Variants in PDE3B observed in about 807,000 individuals in gnomAD.
PDE3B encodes the protein cGMP-inhibited 3',5'-cyclic phosphodiesterase 3B.
PDE3B carries 66 observed loss-of-function variants against 116.8 expected under a neutral mutation model. The ratio of observed to expected loss-of-function variants is 0.56; its 90% CI spans 0.46 to 0.69. The LOEUF (loss-of-function observed/expected upper bound fraction) is 0.69, where lower values mean the gene tolerates loss of function less well. Ranked by LOEUF, PDE3B falls within the 30% of genes least tolerant of loss-of-function variation. The probability of loss-of-function intolerance (pLI) is 0.00; values close to 1 mark genes in which losing one functional copy is unlikely to be tolerated. For synonymous variants in PDE3B, 595 were observed against 533.6 expected (o/e 1.12, Z -1.59); for missense variants, 1,384 against 1,368.1 (o/e 1.01, Z -0.18).
At chr11:14,733,350 C>G (rs990591143) in intron 1 of PDE3B, among the ~76,000 whole-genome samples, 1 of 152,126 alleles carries the variant, frequency 6.6e-6, no homozygotes, top group Admixed American at 6.5e-5. Context: ...TTCTGTTTCT[C>G]TGTCTCCTGT....
chr11:14,895,780 T>C, the PDE3B span, among the ~76,000 whole-genome samples: 5 of 152,284 alleles, frequency 3.3e-5, no homozygotes, highest in East Asian at 3.9e-4. Context: ...ACAGGCTAAG[T>C]TGGAAAATGC....
chr11:14,736,026 C>A (rs1171535658), intron 1 of PDE3B, among the ~76,000 whole-genome samples: 1 of 150,326 alleles, frequency 6.7e-6, no homozygotes, highest in Non-Finnish European at 1.5e-5. Context: ...CACAGTGGAA[C>A]AATGAAGGAA....
intron 1 of PDE3B, among the ~76,000 whole-genome samples, chr11:14,765,177 G>C (rs900958335): frequency 1.3e-5 from 2 of 151,956 alleles, no homozygotes; most frequent in African/African-American, 4.8e-5. Flanking sequence ...CAAGAAATGG[G>C]AGAATATAGG....
rs1411554751 is a variant in PDE3B, at chr11:14,694,926, G to A, written c.978+49873G>A. On this transcript the variant is annotated intron_variant, in intron 1 of 15. Transcript: ENST00000282096. ...TTGAGGCACATGCATATACTGTAAG[G>A]TATATTAGTCTCAGATATACTACTC... 2.0e-5 allele frequency among the ~76,000 whole-genome samples: 3 copies of A among 151,970 alleles called. No individual in the cohort carries two copies. In the East Asian group the frequency reaches 5.8e-4, roughly 29 times the overall value.
At chr11:14,809,570 T>C (rs56287450) in intron 5 of PDE3B, among the ~76,000 whole-genome samples, 6,368 of 152,300 alleles carry the variant, frequency 0.042, 191 homozygotes, top group Non-Finnish European at 0.061. Flanking sequence ...TGCTATGGTT[T>C]TAATGCTTGT....
chr11:14,687,551 G>A (rs1383584684), intron 1 of PDE3B, among the ~76,000 whole-genome samples: 1 of 152,044 alleles, frequency 6.6e-6, no homozygotes, highest in Non-Finnish European at 1.5e-5. Context: ...AATTTGATTG[G>A]TTTTTCTGTC....
rs1417758794 is a variant in PDE3B at position 14,869,728 on chromosome 11, A to C, written c.*68A>C. ...AGGGTTGTGCCCAGGGGCAGAAATC[A>C]TTGCCTAGTGTTCACCGGCTGACTC... On this transcript the variant is annotated 3_prime_UTR_variant, in exon 16 of 16. Coordinates refer to ENST00000282096, the MANE Select transcript of PDE3B (RefSeq NM_000922.4). The C allele has an allele frequency of 7.6e-6, 10 of 1,316,804 alleles. No homozygotes were observed. The allele number at this position is 1,316,804 out of a possible 1,614,324, so 81.6% of individuals were successfully genotyped here.
At chr11:14,845,676 A>G (rs1033702756) in intron 12 of PDE3B, among the ~76,000 whole-genome samples, 3 of 152,224 alleles carry the variant, frequency 2.0e-5, no homozygotes, top group African/African-American at 4.8e-5. Context: ...CAAGGCTCGA[A>G]AACTACGTGA....
chr11:14,883,553 A>C, the PDE3B span, among the ~76,000 whole-genome samples: 4 of 151,902 alleles, frequency 2.6e-5, no homozygotes, highest in Admixed American at 6.5e-5. Flanking sequence ...TTAAAGACTT[A>C]AACGTTAGAC....
chr11:14,875,321 C>T (rs1555009567), downstream of PDE3B, among the ~76,000 whole-genome samples: 1 of 152,140 alleles, frequency 6.6e-6, no homozygotes, highest in African/African-American at 2.4e-5. Context: ...CTTCCATCTC[C>T]TAAAATTTCA....
chr11:14,686,647 A>G (rs1304299374), intron 1 of PDE3B, among the ~76,000 whole-genome samples: 2 of 152,170 alleles, frequency 1.3e-5, no homozygotes, highest in Non-Finnish European at 2.9e-5. Context: ...TTACCTTACC[A>G]TCTATTTAAC....
intron 1 of PDE3B, among the ~76,000 whole-genome samples, chr11:14,694,745 T>C (rs1855153578): frequency 6.6e-6 from 1 of 152,166 alleles, no homozygotes; most frequent in Non-Finnish European, 1.5e-5. Context: ...ACATTTACAG[T>C]ATCTCCAAGG....
At chr11:14,681,138 A>AT (rs1854691963) in intron 1 of PDE3B, among the ~76,000 whole-genome samples, 1 of 152,212 alleles carries the variant, frequency 6.6e-6, no homozygotes, top group Non-Finnish European at 1.5e-5. Context: ...TGAAAAGCAC[A>AT]TTTTTGACTT....
chr11:14,739,148 T>C (rs1856688885), intron 1 of PDE3B, among the ~76,000 whole-genome samples: 1 of 152,188 alleles, frequency 6.6e-6, no homozygotes, highest in Admixed American at 6.5e-5. Flanking sequence ...AGAAAGTCAA[T>C]GGTAGCTTGA....
chr11:14,644,192 G>A lies in PDE3B; in HGVS notation c.117G>A (p.Leu39=). ...NGYVKSCVSP[L]RQDPPRGFFF... The stretch of plus-strand genomic sequence containing the variant: ...ACGTGAAGAGCTGCGTGAGCCCCTT[G>A]CGGCAGGACCCTCCGCGCGGCTTCT... Residue 39 remains leucine, a synonymous_variant, in exon 1 of 16, where the codon TTG becomes TTA. Transcript: ENST00000282096. 6.3e-7 allele frequency: 1 copy of A among 1,597,056 alleles called. No homozygotes were observed. The highest frequency in any genetic ancestry group is 8.5e-7 in the Non-Finnish European group (1 of 1,177,794).
At position 14,657,953 on chromosome 11, in the gene PDE3B, T is replaced by A. The variant is rs141412690; in HGVS notation, c.978+12900T>A. 6.6e-5 allele frequency among the ~76,000 whole-genome samples: 10 copies of A among 152,302 alleles called. No individual in the cohort carries two copies. The East Asian group carries it at 1.9e-3, about 29-fold the overall frequency. The stretch of plus-strand genomic sequence containing the variant: ...CATGGCTTGTATCAGTAGATAGTTT[T>A]GCTTTCTAATACCAAACCCCAGAGT... On this transcript the variant is annotated intron_variant, in intron 1 of 15. Transcript: ENST00000282096.
At chr11:14,898,540 A>G in the PDE3B span, among the ~76,000 whole-genome samples, 1 of 152,160 alleles carries the variant, frequency 6.6e-6, no homozygotes, top group Admixed American at 6.5e-5. Context: ...GCAACTTTAT[A>G]GAATTTCAAA....
At chr11:14,780,242 A>G (rs1857942689) in intron 2 of PDE3B, among the ~76,000 whole-genome samples, 1 of 152,228 alleles carries the variant, frequency 6.6e-6, no homozygotes, top group Admixed American at 6.5e-5. Context: ...CACTGTCAAC[A>G]TTAGACAGAT....
At chr11:14,663,500 A>G (rs1189722883) in intron 1 of PDE3B, among the ~76,000 whole-genome samples, 22 of 151,324 alleles carry the variant, frequency 1.5e-4, no homozygotes, top group Non-Finnish European at 2.7e-4. Flanking sequence ...TCCAATTAAA[A>G]GACACTCCTC....
Sources: gnomAD v4.1 joint callset for allele counts (sites outside exome capture counted in the v4.1 genomes callset) on GRCh38, gnomAD v4.1.1 for gene constraint, MANE v1.5 for transcripts, NCBI Gene and HGNC (gene_info 2026-07-23, HGNC 2026-07-21) for gene names.